The following MAGI2 variants were observed in gnomAD, a reference collection of about 807,000 sequenced individuals.
The protein encoded by MAGI2 is membrane associated guanylate kinase, WW and PDZ domain containing 2.
Under a neutral mutation model 133.3 loss-of-function variants are expected in MAGI2, and 35 were observed. The ratio of observed to expected loss-of-function variants is 0.26; its 90% CI spans 0.20 to 0.35. MAGI2 has a LOEUF of 0.35. MAGI2 is among the 10% of genes least tolerant of loss of function. MAGI2 has a pLI of 1.00. For missense variants in MAGI2, 1,636 were observed against 1,863.4 expected (o/e 0.88, Z 2.25); for synonymous variants, 729 against 710.6 (o/e 1.03, Z -0.41).
intron 9 of MAGI2, among the ~76,000 whole-genome samples, chr7:78,324,126 CACACTACACT>C (rs199831383): frequency 3.4e-5 from 5 of 147,566 alleles, no homozygotes; most frequent in East Asian, 2.0e-4. Context: ...AAATAATTGA[CACACTACACT>C]ACACTACACT....
chr7:79,396,502 T>G (rs1304964682), intron 1 of MAGI2, among the ~76,000 whole-genome samples: 1 of 152,178 alleles, frequency 6.6e-6, no homozygotes, highest in African/African-American at 2.4e-5. Context: ...TTAAACAACA[T>G]TTTTAACATA....
chr7:78,998,126 C>T (rs1320846656), intron 2 of MAGI2, among the ~76,000 whole-genome samples: 2 of 152,270 alleles, frequency 1.3e-5, no homozygotes, highest in East Asian at 3.9e-4. Context: ...ACTTGACATT[C>T]ATAGAAAAAT....
rs1179125941 is a variant in MAGI2, at chr7:79,242,385, A to C, written c.301+210635T>G. 2.6e-5 allele frequency among the ~76,000 whole-genome samples: 4 copies of C among 152,198 alleles called. No individual in the cohort carries two copies. In the East Asian group the frequency reaches 7.7e-4, roughly 29 times the overall value. On this transcript the variant is annotated intron_variant, in intron 1 of 21. Coordinates refer to ENST00000354212, the MANE Select transcript of MAGI2 (RefSeq NM_012301.4). ...ACAGGTTGTTTTAAAGCATAAGTTA[A>C]GGTGATCAACATATTCTTCTCTTTG...
intron 10 of MAGI2, among the ~76,000 whole-genome samples, chr7:78,250,294 A>T (rs1345054659): frequency 6.6e-6 from 1 of 152,080 alleles, no homozygotes; most frequent in Admixed American, 6.6e-5. Flanking sequence ...TTTCTAAGTA[A>T]CCTATAGGTC....
intron 9 of MAGI2, among the ~76,000 whole-genome samples, chr7:78,259,972 C>T (rs1793360171): frequency 6.6e-6 from 1 of 152,226 alleles, no homozygotes; most frequent in South Asian, 2.1e-4. Flanking sequence ...TTTCCACTAA[C>T]AGCAATTTTT....
chr7:78,197,684 C>T (rs920177835), intron 11 of MAGI2: 11 of 152,188 alleles, frequency 7.2e-5, no homozygotes, highest in African/African-American at 2.7e-4. Flanking sequence ...TCACAACTTC[C>T]TGTTGTGACA....
chr7:78,057,305 C>T (rs73379678), intron 21 of MAGI2, among the ~76,000 whole-genome samples: 7,816 of 151,942 alleles, frequency 0.051, 460 homozygotes, highest in East Asian at 0.14. Flanking sequence ...TGCAATAGTG[C>T]GATCTCCACT....
intron 2 of MAGI2, among the ~76,000 whole-genome samples, chr7:78,831,317 CA>C: frequency 6.6e-6 from 1 of 152,220 alleles, no homozygotes; most frequent in African/African-American, 2.4e-5. Flanking sequence ...TACATTTTTA[CA>C]ATTTTCATCC....
chr7:78,866,985 A>G (rs910932574), intron 2 of MAGI2, among the ~76,000 whole-genome samples: 7 of 151,824 alleles, frequency 4.6e-5, no homozygotes, highest in Non-Finnish European at 7.4e-5. Flanking sequence ...CAAAACCACA[A>G]TGAGATATCA....
chr7:79,081,055 A>G (rs1269813713), intron 1 of MAGI2, among the ~76,000 whole-genome samples: 1 of 152,044 alleles, frequency 6.6e-6, no homozygotes, highest in Non-Finnish European at 1.5e-5. Context: ...ACCCGGCCGC[A>G]CAGATATGAC....
chr7:78,984,552 G>C lies in MAGI2; in HGVS notation c.418+22538C>G, dbSNP rs575492176. 6.3e-4 allele frequency among the ~76,000 whole-genome samples: 96 copies of C among 151,958 alleles called. 1 individual carries two copies. The South Asian group carries it at 0.018, about 28-fold the overall frequency. ...AGTATGGTCCTGCTGGAGGGGTTCT[G>C]TCCACTCTGTTTAGAAGGTCCTGCC... On this transcript the variant is annotated intron_variant, in intron 2 of 21. Coordinates refer to ENST00000354212, the MANE Select transcript of MAGI2 (RefSeq NM_012301.4).
At chr7:78,859,272 T>C (rs1014928966) in intron 2 of MAGI2, among the ~76,000 whole-genome samples, 10 of 152,216 alleles carry the variant, frequency 6.6e-5, no homozygotes, top group Admixed American at 6.5e-4. Flanking sequence ...GTGAATTTGA[T>C]CCTGTCATTA....
At chr7:78,227,009 C>T (rs1789457389) in intron 10 of MAGI2, among the ~76,000 whole-genome samples, 1 of 152,118 alleles carries the variant, frequency 6.6e-6, no homozygotes, top group South Asian at 2.1e-4. Context: ...TGTGGGACAG[C>T]ATCATTAAAA....
chr7:78,154,933 A>G (rs553164759), intron 16 of MAGI2, among the ~76,000 whole-genome samples: 162 of 115,208 alleles, frequency 1.4e-3, no homozygotes, highest in Non-Finnish European at 2.5e-3. Flanking sequence ...CATCTAATCC[A>G]TTGAGTCATA....
At chr7:78,617,174 C>T (rs750946966) in intron 3 of MAGI2, 1 of 151,922 alleles carries the variant, frequency 6.6e-6, no homozygotes, top group Non-Finnish European at 1.5e-5. Flanking sequence ...GAAAAGTAGT[C>T]CAGGAAAATG....
At chr7:79,070,684 G>T (rs1169423893) in intron 1 of MAGI2, among the ~76,000 whole-genome samples, 1 of 151,556 alleles carries the variant, frequency 6.6e-6, no homozygotes, top group Non-Finnish European at 1.5e-5. Context: ...GTAGAGACGG[G>T]GTTTCACTGT....
intron 3 of MAGI2, among the ~76,000 whole-genome samples, chr7:78,559,170 C>CAAAAAA (rs1563168332): frequency 9.2e-5 from 3 of 32,596 alleles, no homozygotes; most frequent in Non-Finnish European, 1.4e-4. Context: ...AAAAAAAAGC[C>CAAAAAA]AAAAAGAAAA....
Position 78,019,756 on chromosome 7 carries a change from G to C in MAGI2, c.3927C>G (p.Arg1309=), listed in dbSNP as rs992235586. Reference sequence around the variant, plus strand: ...CCGAGCGCTCCCTCTGCTCCCCGAGGCGCTGCTTCTTCTGGCCGCAGGCTG... The same window carrying C: ...CCGAGCGCTCCCTCTGCTCCCCGAGCCGCTGCTTCTTCTGGCCGCAGGCTG... ...ELSACGQKKQ[R]LGEQRERSAS... Residue 1309 remains arginine (R), a synonymous_variant, in exon 22 of 22, where the codon CGC becomes CGG. Coordinates refer to ENST00000354212, the MANE Select transcript of MAGI2 (RefSeq NM_012301.4). The C allele has an allele frequency of 6.2e-7, 1 of 1,612,270 alleles. No individual in the cohort carries two copies. Among genetic ancestry groups the C allele is most frequent in the Non-Finnish European group, 8.5e-7 (1 of 1,179,658 alleles).
chr7:78,028,612 T>G (rs1241637372), intron 21 of MAGI2, among the ~76,000 whole-genome samples: 1 of 152,146 alleles, frequency 6.6e-6, no homozygotes, highest in Non-Finnish European at 1.5e-5. Flanking sequence ...CCCAGCACTT[T>G]GGGAGGCCAA....
Sources: allele counts gnomAD v4.1 joint callset (sites outside exome capture counted in the v4.1 genomes callset), GRCh38; gene constraint gnomAD v4.1.1; transcripts MANE v1.5; gene names NCBI Gene and HGNC (gene_info 2026-07-23, HGNC 2026-07-21).